Variants in FAHD1 observed in about 807,000 individuals in gnomAD.
FAHD1 encodes the protein FAH domain containing oxaloacetate decarboxylase 1.
In FAHD1, 14 loss-of-function variants were observed where a neutral mutation model predicts 12.7. The observed-to-expected ratio is 1.10, with a 90% CI of 0.73 to 1.72. FAHD1 has a LOEUF of 1.72. FAHD1 is among the 40% of genes most tolerant of loss of function. The pLI is 0.00. For missense variants in FAHD1, 351 were observed against 298.9 expected (o/e 1.17, Z -1.29); for synonymous variants, 153 against 124.9 (o/e 1.22, Z -1.50).
At chr16:1,833,469 C>T (rs1898659371), downstream of FAHD1, among the ~76,000 whole-genome samples, 2 of 151,930 alleles carry the variant, frequency 1.3e-5, no homozygotes, top group Admixed American at 1.3e-4. Flanking sequence ...TCCCACCCAG[C>T]ACCAAGAGCC....
At chr16:1,829,641 T>C (rs193189460), downstream of FAHD1, among the ~76,000 whole-genome samples, 1 of 150,526 alleles carries the variant, frequency 6.6e-6, no homozygotes, top group South Asian at 2.2e-4. Context: ...TATCATGCTA[T>C]CTTAACTACT....
At chr16:1,828,004 G>A in exon 1 of FAHD1, 3 of 1,511,940 alleles carry the variant, frequency 2.0e-6, no homozygotes, top group East Asian at 2.4e-5. Flanking sequence ...TTTATTGGCC[G>A]GACGCGGTGG....
At chr16:1,832,222 C>CTGGAG (rs57642641), downstream of FAHD1, among the ~76,000 whole-genome samples, 130,897 of 132,666 alleles carry the variant, frequency 0.99, 64,612 homozygotes, top group Non-Finnish European at 1. Context: ...GTTGCCCACG[C>CTGGAG]TGCAGTGGCA....
chr16:1,831,393 G>A (rs1180297758), downstream of FAHD1, among the ~76,000 whole-genome samples: 1 of 152,194 alleles, frequency 6.6e-6, no homozygotes, highest in Non-Finnish European at 1.5e-5. Context: ...AGTGGTCTCT[G>A]GGCTGGATAT....
chr16:1,834,403 T>G lies in FAHD1; in HGVS notation c.628-3613T>G. ...AACAGAAAAAGAGACAAAAGGTTAA[T>G]TTTTAAAATCCCCTTGTATATCAAG... On this transcript the variant is annotated intron_variant, in intron 1 of 2. Transcript: ENST00000382666. 5 of 1,144,092 alleles carry G rather than the reference T, an allele frequency of 4.4e-6. No homozygotes were observed. In the South Asian group the frequency reaches 6.5e-5, roughly 15 times the overall value. 70.9% of individuals were successfully genotyped at this position (1,144,092 alleles called of 1,614,324 possible).
chr16:1,827,253 G>A (rs765687388), exon 1 of FAHD1: 3 of 1,609,212 alleles, frequency 1.9e-6, no homozygotes, highest in Middle Eastern at 1.7e-4. Flanking sequence ...CAGCATCCAG[G>A]CCATTGTCCC....
rs201750977 is a variant in FAHD1 at position 1,827,549 on chromosome 16, A to G, written c.311A>G (p.Asp104Gly). ...CTGTGCCTGGATATGACCGCCCGGG[A>G]CGTGCAGGACGAGTGCAAGAAGAAG... Residue 104 changes from aspartate (D) to glycine (G), a missense_variant, in exon 1 of 1, where the codon GAC becomes GGC. Coordinates refer to ENST00000427358, the Ensembl canonical transcript of FAHD1. The G allele has an allele frequency of 3.0e-4, 482 of 1,613,296 alleles. No individual in the cohort carries two copies. The East Asian group carries it at 4.6e-3, about 15-fold the overall frequency.
chr16:1,839,200 GA>G, intron 2 of FAHD1: 2 of 1,470,880 alleles, frequency 1.4e-6, no homozygotes, highest in Non-Finnish European at 1.8e-6. Flanking sequence ...ATTTTTTTGG[GA>G]AAAAGCATTC....
chr16:1,839,289 G>A (rs1159227445), exon 3 of FAHD1: 6 of 1,613,580 alleles, frequency 3.7e-6, no homozygotes, highest in Non-Finnish European at 4.2e-6. Context: ...AACACTTCCT[G>A]TGAGACTACA....
chr16:1,830,482 A>C (rs1188221744), downstream of FAHD1, among the ~76,000 whole-genome samples: 2 of 152,228 alleles, frequency 1.3e-5, no homozygotes, highest in African/African-American at 2.4e-5. Context: ...ATTAAAGTCA[A>C]AGTTATAAAG....
intron 1 of FAHD1, chr16:1,837,811 G>C: frequency 6.5e-7 from 1 of 1,539,446 alleles, no homozygotes; most frequent in South Asian, 1.2e-5. Flanking sequence ...TTCTTTCCAA[G>C]AGAAATTGCC....
chr16:1,829,584 TTATAA>T (rs1238161231), downstream of FAHD1, among the ~76,000 whole-genome samples: 8 of 152,212 alleles, frequency 5.3e-5, no homozygotes, highest in South Asian at 4.1e-4. Flanking sequence ...CATGCTTAAA[TTATAA>T]TATAGTATGA....
At chr16:1,830,917 T>TACACACACACACACACACACACACACAC (rs1555470124), downstream of FAHD1, among the ~76,000 whole-genome samples, 7 of 114,776 alleles carry the variant, frequency 6.1e-5, no homozygotes, top group African/African-American at 1.9e-4. Context: ...TCTCTCTCTA[T>TACACACACACACACACACACACACACAC]ACACACACAC....
chr16:1,830,944 A>ACACACACCCC (rs57025691), downstream of FAHD1, among the ~76,000 whole-genome samples: 2 of 147,206 alleles, frequency 1.4e-5, no homozygotes, highest in Non-Finnish European at 1.5e-5. Flanking sequence ...ACACACACAC[A>ACACACACCCC]CCCATATTTT....
chr16:1,828,585 ATTT>A (rs1451404259), exon 1 of FAHD1: 1 of 999,980 alleles, frequency 1.0e-6, no homozygotes, highest in Non-Finnish European at 1.2e-6. Flanking sequence ...TGTTTACCAA[ATTT>A]TCTTAGATTT....
At chr16:1,839,250 T>C (rs753708805) in intron 2 of FAHD1, 1 of 1,571,038 alleles carries the variant, frequency 6.4e-7, no homozygotes, top group Non-Finnish European at 8.6e-7. Flanking sequence ...CTTTTTGCTA[T>C]TTACCGTGCA....
At chr16:1,827,859 C>G (rs766836010) in exon 1 of FAHD1, 2 of 1,613,898 alleles carry the variant, frequency 1.2e-6, no homozygotes, top group Admixed American at 3.3e-5. Flanking sequence ...CTGGCATACA[C>G]GGGCTGGTCA....
chr16:1,828,406 A>T, exon 1 of FAHD1: 2 of 1,001,662 alleles, frequency 2.0e-6, no homozygotes, highest in Non-Finnish European at 2.4e-6. Context: ...ACAGGCAAGT[A>T]AAGTATTTCT....
At chr16:1,830,118 G>T (rs964699326), downstream of FAHD1, among the ~76,000 whole-genome samples, 1 of 152,148 alleles carries the variant, frequency 6.6e-6, no homozygotes, top group Non-Finnish European at 1.5e-5. Context: ...CCGCCTGGGC[G>T]TCCCAAAGTG....
Sources: allele counts gnomAD v4.1 joint callset (sites outside exome capture counted in the v4.1 genomes callset), GRCh38; gene constraint gnomAD v4.1.1; transcripts MANE v1.5; gene names NCBI Gene and HGNC (gene_info 2026-07-23, HGNC 2026-07-21).